The following GLYATL2 variants were observed in gnomAD, a reference collection of about 807,000 sequenced individuals.
GLYATL2 encodes the protein glycine N-acyltransferase-like protein 2.
In GLYATL2, 25 loss-of-function variants were observed where a neutral mutation model predicts 21.4. The observed-to-expected ratio is 1.17, with a 90% CI of 0.85 to 1.63. The LOEUF (loss-of-function observed/expected upper bound fraction) is 1.63, where lower values mean the gene tolerates loss of function less well. GLYATL2 is among the 40% of genes most tolerant of loss of function. The pLI is 0.00. For synonymous variants in GLYATL2, 114 were observed against 118.2 expected, an observed-to-expected ratio of 0.96 and a Z score of 0.23; for missense variants, 361 against 343.3, an observed-to-expected ratio of 1.05 and a Z score of -0.41.
chr11:58,900,806 G>A (rs1854724397), intron 1 of GLYATL2, among the ~76,000 whole-genome samples: 1 of 151,488 alleles, frequency 6.6e-6, no homozygotes, highest in South Asian at 2.1e-4. Flanking sequence ...TGGGGGGGTG[G>A]TCAGCTTTGG....
intron 1 of GLYATL2, among the ~76,000 whole-genome samples, chr11:58,855,844 C>T (rs1853818836): frequency 6.6e-6 from 1 of 152,174 alleles, no homozygotes; most frequent in African/African-American, 2.4e-5. Flanking sequence ...TGAAAATGGG[C>T]CAGGTGTGGT....
At chr11:58,861,025 A>G (rs745512978) in intron 1 of GLYATL2, among the ~76,000 whole-genome samples, 4 of 152,034 alleles carry the variant, frequency 2.6e-5, no homozygotes, top group Non-Finnish European at 4.4e-5. Context: ...TGATGCACCT[A>G]TGTTCATCAG....
chr11:58,909,114 C>G (rs1289890998), upstream of GLYATL2, among the ~76,000 whole-genome samples: 1 of 152,034 alleles, frequency 6.6e-6, no homozygotes, highest in Non-Finnish European at 1.5e-5. Flanking sequence ...TTTTAGAGTA[C>G]AGAGAGAAGA....
the GLYATL2 span, among the ~76,000 whole-genome samples, chr11:58,909,776 A>T: frequency 6.6e-6 from 1 of 152,180 alleles, no homozygotes; most frequent in Non-Finnish European, 1.5e-5. Flanking sequence ...AGAGCTCTCC[A>T]TATTGCTGGT....
intron 1 of GLYATL2, among the ~76,000 whole-genome samples, chr11:58,895,529 G>A (rs1229567092): frequency 6.6e-6 from 1 of 152,168 alleles, no homozygotes; most frequent in Non-Finnish European, 1.5e-5. Flanking sequence ...GTTGATGGCT[G>A]CAATCTCAGA....
At position 58,838,305 on chromosome 11, in the gene GLYATL2, C is replaced by A. The variant is rs1286726293; in HGVS notation, c.142G>T (p.Ala48Ser). 6.2e-7 allele frequency: 1 copy of A among 1,613,276 alleles called. No individual in the cohort carries two copies. The highest frequency in any genetic ancestry group is 1.7e-5 in the Admixed American group (1 of 59,950). ...ATGACGATCTGGTAATCTGGCCAGG[C>A]ATCTACCAGCACCTCCATGTTGAAA... ...NPFNMEVLVD[A>S]WPDYQIVITR... Residue 48 changes from alanine to serine, a missense_variant, in exon 3 of 6, where the codon GCC becomes TCC. Coordinates refer to ENST00000287275, the MANE Select transcript of GLYATL2 (RefSeq NM_145016.4).
intron 1 of GLYATL2, among the ~76,000 whole-genome samples, chr11:58,898,507 A>G (rs1157679666): frequency 6.8e-6 from 1 of 146,140 alleles, no homozygotes. Flanking sequence ...ATCTGCTCTT[A>G]TCTGAGATCT....
intron 1 of GLYATL2, among the ~76,000 whole-genome samples, chr11:58,901,574 C>G (rs1346914516): frequency 2.0e-5 from 3 of 152,092 alleles, no homozygotes; most frequent in African/African-American, 7.2e-5. Context: ...GGAATGGAGA[C>G]TTCCCCCACC....
At chr11:58,856,509 C>G (rs547469) in intron 1 of GLYATL2, among the ~76,000 whole-genome samples, 134,584 of 151,766 alleles carry the variant, frequency 0.89, 60,832 homozygotes, top group Non-Finnish European at 0.98. Flanking sequence ...TGCCTTCCTC[C>G]CTATGCTTAA....
At chr11:58,882,029 C>G (rs551392547) in intron 1 of GLYATL2, among the ~76,000 whole-genome samples, 1 of 152,276 alleles carries the variant, frequency 6.6e-6, no homozygotes, top group East Asian at 1.9e-4. Context: ...TGAATAGTGC[C>G]TCAATAAACA....
chr11:58,841,942 T>G (rs1212312027), intron 1 of GLYATL2, among the ~76,000 whole-genome samples: 2 of 152,104 alleles, frequency 1.3e-5, no homozygotes, highest in Non-Finnish European at 2.9e-5. Flanking sequence ...TCAAAGAGCT[T>G]GACCAGGAAA....
chr11:58,891,862 C>A (rs569828704), intron 1 of GLYATL2, among the ~76,000 whole-genome samples: 1 of 152,030 alleles, frequency 6.6e-6, no homozygotes, highest in African/African-American at 2.4e-5. Flanking sequence ...GCTGGGTGCT[C>A]GGTGATGCTG....
At chr11:58,872,778 G>A (rs1854149441) in intron 1 of GLYATL2, among the ~76,000 whole-genome samples, 1 of 152,106 alleles carries the variant, frequency 6.6e-6, no homozygotes, top group Non-Finnish European at 1.5e-5. Flanking sequence ...GCTCTTTTTT[G>A]GTTCCATATG....
At chr11:58,904,621 G>T (rs1455446711), upstream of GLYATL2, among the ~76,000 whole-genome samples, 2 of 152,202 alleles carry the variant, frequency 1.3e-5, no homozygotes, top group Non-Finnish European at 2.9e-5. Context: ...GATGATTCAA[G>T]AATAACAGCG....
chr11:58,845,700 A>G (rs1421259305), upstream of GLYATL2, among the ~76,000 whole-genome samples: 4 of 152,222 alleles, frequency 2.6e-5, no homozygotes, highest in African/African-American at 9.6e-5. Context: ...TTACACAAAT[A>G]AGGAAGCTGT....
At chr11:58,877,697 T>C (rs1000465179) in intron 1 of GLYATL2, among the ~76,000 whole-genome samples, 9 of 152,178 alleles carry the variant, frequency 5.9e-5, no homozygotes, top group Non-Finnish European at 1.3e-4. Flanking sequence ...TTTAATAACA[T>C]AGAGATCACT....
Position 58,870,045 on chromosome 11 carries a change from C to A in GLYATL2, n.61-31677G>T, listed in dbSNP as rs1256620404. Among the ~76,000 whole-genome samples the A allele has an allele frequency of 1.3e-5, 2 of 151,976 alleles. 1 individual carries two copies. The highest frequency in any genetic ancestry group is 6.3e-3 in the Middle Eastern group (2 of 316). ...ATTGCTTGAGCCTGAAAGGTCAAGG[C>A]TGCAGTGAGTTATGATCCAGCCACT... On this transcript the variant is annotated intron_variant and non_coding_transcript_variant, in intron 1 of 4. Transcript: ENST00000533636.
At chr11:58,860,143 C>T (rs1369848241) in intron 1 of GLYATL2, among the ~76,000 whole-genome samples, 1 of 151,904 alleles carries the variant, frequency 6.6e-6, no homozygotes, top group Non-Finnish European at 1.5e-5. Context: ...TTTTATATTC[C>T]TTTGAAGAAT....
intron 1 of GLYATL2, among the ~76,000 whole-genome samples, chr11:58,883,935 T>C (rs1412949119): frequency 1.1e-4 from 16 of 152,060 alleles, no homozygotes; most frequent in Non-Finnish European, 2.4e-4. Context: ...ATAAACGTAA[T>C]CCATCATATA....
Sources: gnomAD v4.1 joint callset for allele counts (sites outside exome capture counted in the v4.1 genomes callset) on GRCh38, gnomAD v4.1.1 for gene constraint, MANE v1.5 for transcripts, NCBI Gene and HGNC (gene_info 2026-07-23, HGNC 2026-07-21) for gene names.